The following PASK variants were observed in gnomAD, a reference collection of about 807,000 sequenced individuals.
The protein encoded by PASK is PAS domain-containing serine/threonine-protein kinase.
Under a neutral mutation model 121.0 loss-of-function variants are expected in PASK, and 110 were observed. The ratio of observed to expected loss-of-function variants is 0.91; its 90% CI spans 0.78 to 1.06. The LOEUF (loss-of-function observed/expected upper bound fraction) is 1.06. Among genes scored for constraint, PASK ranks in the 50% least tolerant of loss-of-function variants. The probability of loss-of-function intolerance (pLI) is 0.00; values close to 1 mark genes in which losing one functional copy is unlikely to be tolerated. For synonymous variants in PASK, 686 were observed against 717.8 expected (o/e 0.96, Z 0.71); for missense variants, 1,643 against 1,702.3 (o/e 0.97, Z 0.61).
At chr2:241,144,091 T>A (rs561007757) in intron 1 of PASK, among the ~76,000 whole-genome samples, 3 of 152,222 alleles carry the variant, frequency 2.0e-5, no homozygotes, top group Non-Finnish European at 4.4e-5. Flanking sequence ...GGTGTGTGTG[T>A]GTGTGGGTGT....
Position 241,112,314 on chromosome 2 carries a change from C to A in PASK, c.3459G>T (p.Leu1153Phe). The A allele has an allele frequency of 6.2e-7, 1 of 1,613,684 alleles. No homozygotes were observed. Among genetic ancestry groups the A allele is most frequent in the Non-Finnish European group, 8.5e-7 (1 of 1,179,788 alleles). The change falls in exon 15 of 18, where the codon TTG (leucine) becomes TTT (phenylalanine). Residue 1153 changes from leucine to phenylalanine, a missense_variant. Leu to Phe is a conservative substitution (Grantham distance 22). This residue lies in a region of PASK where 453 missense variants were observed against 511.2 expected (regional missense o/e 0.89). Transcript: ENST00000234040. The surrounding 1 kb of genome is among the most constrained non-coding windows in gnomAD (Gnocchi z 5.2). The stretch of plus-strand genomic sequence containing the variant: ...AAGTATAAAATAATTTTCCCCTTTC[C>A]AAGTAGGCGGCCGAGCCAAAGTCTA... The part of the protein sequence containing the change: ...KLIDFGSAAY[L>F]ERGKLFYTFC...
chr2:241,138,756 C>G lies in PASK; in HGVS notation c.639G>C (p.Val213=), dbSNP rs2066562539. 1.2e-6 allele frequency: 2 copies of G among 1,614,032 alleles called. No individual in the cohort carries two copies. Among genetic ancestry groups the G allele is most frequent in the African/African-American group, 2.7e-5 (2 of 74,960 alleles). ...IISRSGEKIP[V]SVWMKRMRQE... ...GCCGCATCCTCTTCATCCACACAGA[C>G]ACTGGAATCTTCTCCCCACTACGGC... is the stretch of plus-strand genomic sequence containing the variant. The change falls in exon 5 of 18, where the codon GTG becomes GTC. Residue 213 remains valine (V), a synonymous_variant. Transcript: ENST00000234040.
chr2:241,144,457 G>T (rs758072), intron 1 of PASK, among the ~76,000 whole-genome samples: 22,602 of 152,072 alleles, frequency 0.15, 2,249 homozygotes, highest in East Asian at 0.26. Flanking sequence ...CCCACGAAAT[G>T]AGGAGACCCT....
At chr2:241,135,256 G>A (rs930485423) in intron 8 of PASK, among the ~76,000 whole-genome samples, 1 of 152,198 alleles carries the variant, frequency 6.6e-6, no homozygotes, top group African/African-American at 2.4e-5. Context: ...AATACTGGTA[G>A]AACATTCAAT....
chr2:241,107,281 A>AG, intron 17 of PASK, 72 bp downstream of exon 17: 1 of 1,373,572 alleles, frequency 7.3e-7, no homozygotes, highest in Non-Finnish European at 1.0e-6. Flanking sequence ...CTTTTGACCT[A>AG]GGAAGGCAGC....
rs2064936939 is a variant in PASK, at chr2:241,107,469, T to C, written c.3698A>G (p.Gln1233Arg). Residue 1233 changes from glutamine to arginine, a missense_variant, in exon 17 of 18, where the codon CAG (glutamine) becomes CGG (arginine). By Grantham distance (43) the Gln-to-Arg change is conservative. Coordinates refer to ENST00000234040, the MANE Select transcript of PASK (RefSeq NM_015148.4). ...ELMSLVSGLL[Q>R]PVPERRTTLE... Reference sequence around the variant, plus strand: ...GGTGGTGCGTCTCTCAGGGACTGGCTGCAGCAGCCCAGACACAAGGCTCAT... The same window carrying C: ...GGTGGTGCGTCTCTCAGGGACTGGCCGCAGCAGCCCAGACACAAGGCTCAT... 6.2e-7 allele frequency: 1 copy of C among 1,614,002 alleles called. No individual in the cohort carries two copies. The highest frequency in any genetic ancestry group is 8.5e-7 in the Non-Finnish European group (1 of 1,179,976).
chr2:241,139,553 C>T (rs1379501493), intron 4 of PASK: 3 of 572,844 alleles, frequency 5.2e-6, no homozygotes, highest in Non-Finnish European at 1.0e-5. Context: ...CCATATTACT[C>T]TTGAGCATCT....
At chr2:241,150,290 G>T, upstream of PASK, 1 of 1,313,988 alleles carries the variant, frequency 7.6e-7, no homozygotes, top group Non-Finnish European at 9.7e-7. Flanking sequence ...CGGCTCCGCC[G>T]CCTGAAATTA....
chr2:241,126,953 T>G lies in PASK; in HGVS notation c.1962A>C (p.Arg654=). The G allele has an allele frequency of 6.2e-7, 1 of 1,614,194 alleles. No individual in the cohort carries two copies. The highest frequency in any genetic ancestry group is 8.5e-7 in the Non-Finnish European group (1 of 1,180,030). ...TAATCAAGCAGGTCTGCAGCTCTTC[T>G]CGGTCGTTTTCCACTCCCAGCCACG... ...DEPWLGVEND[R]EELQTCLIKE... The change falls in exon 10 of 18, where the codon CGA becomes CGC. Residue 654 remains arginine (R), a synonymous_variant. Transcript: ENST00000234040.
upstream of PASK, chr2:241,149,914 C>G: frequency 7.7e-6 from 11 of 1,433,866 alleles, no homozygotes; most frequent in South Asian, 1.5e-4. Flanking sequence ...GTGCCCCGCA[C>G]CTGCCCGCCT....
chr2:241,140,730 G>GAC lies in PASK; in HGVS notation c.218_219dup (p.Leu74ValfsTer90). 1 of 1,611,830 alleles carries GAC rather than the reference G, an allele frequency of 6.2e-7. No homozygotes were observed. The highest frequency in any genetic ancestry group is 8.5e-7 in the Non-Finnish European group (1 of 1,177,850). On this transcript the variant is annotated frameshift_variant, in exon 3 of 18. Coordinates refer to ENST00000234040, the MANE Select transcript of PASK (RefSeq NM_015148.4). LOFTEE classifies it high-confidence loss of function. ...ATATTCTGGGCAGCCAGTGATGATA[G>GAC]ACAATAGGAGCTCCATCTGTCTTCT...
chr2:241,125,609 G>GAA (rs11353969), intron 10 of PASK, among the ~76,000 whole-genome samples: 9 of 118,400 alleles, frequency 7.6e-5, no homozygotes, highest in Non-Finnish European at 1.1e-4. Context: ...CAAAAAAAAA[G>GAA]AAAAAAAAAA....
intron 8 of PASK, chr2:241,134,394 G>A (rs962789190): frequency 6.6e-6 from 1 of 152,162 alleles, no homozygotes; most frequent in Non-Finnish European, 1.5e-5. Flanking sequence ...AGGAAAGCCG[G>A]GATTGTAAGG....
At chr2:241,150,003 G>C (rs2067209560), upstream of PASK, 5 of 1,406,354 alleles carry the variant, frequency 3.6e-6, no homozygotes, top group Non-Finnish European at 4.6e-6. Context: ...TGTTGCTCTT[G>C]CCGTTCGGCC....
At chr2:241,123,111 C>A (rs1002202173) in intron 11 of PASK, among the ~76,000 whole-genome samples, 1 of 152,040 alleles carries the variant, frequency 6.6e-6, no homozygotes, top group African/African-American at 2.4e-5. Context: ...CCAACTGGCA[C>A]ACATGTCGAA....
Position 241,127,568 on chromosome 2 carries a change from C to T in PASK, c.1464-117G>A, listed in dbSNP as rs1314931776. 9 of 885,916 alleles carry T rather than the reference C, an allele frequency of 1.0e-5. No individual in the cohort carries two copies. In the East Asian group the frequency reaches 1.0e-4, roughly 10 times the overall value. 54.9% of individuals were successfully genotyped at this position (885,916 alleles called of 1,614,324 possible). A position where few individuals can be genotyped will look rare whatever the true frequency, so the allele number is the denominator to read the frequency against. On this transcript the variant is annotated intron_variant, in intron 9 of 17. Transcript: ENST00000234040. The stretch of plus-strand genomic sequence containing the variant: ...AGCATTTAATGCCACCAATTTATAA[C>T]AAGAAAAAGACCAAATTTTGTGACC...
chr2:241,106,960 G>A (rs2064910333), intron 17 of PASK, among the ~76,000 whole-genome samples: 1 of 152,220 alleles, frequency 6.6e-6, no homozygotes, highest in Admixed American at 6.5e-5. Context: ...CCAGAGCCTT[G>A]TCTGAAGAGC....
At chr2:241,130,037 G>A (rs1351377694) in intron 9 of PASK, among the ~76,000 whole-genome samples, 1 of 152,192 alleles carries the variant, frequency 6.6e-6, no homozygotes, top group African/African-American at 2.4e-5. Flanking sequence ...AACTTACGAG[G>A]AAGCACCCAA....
chr2:241,109,854 A>C (rs1319499792), intron 15 of PASK: 1 of 152,256 alleles, frequency 6.6e-6, no homozygotes, highest in Non-Finnish European at 1.5e-5. Flanking sequence ...AATAGTAAAT[A>C]TTTCAGGTTT....
Sources: allele counts gnomAD v4.1 joint callset (sites outside exome capture counted in the v4.1 genomes callset), GRCh38; gene constraint gnomAD v4.1.1; regional missense constraint gnomAD v4.1.1; non-coding constraint Gnocchi (gnomAD v3.1); transcripts MANE v1.5; gene names NCBI Gene and HGNC (gene_info 2026-07-23, HGNC 2026-07-21).